TRIM50: variants seen among roughly 807,000 people sequenced by gnomAD.
TRIM50 encodes the protein tripartite motif containing 50, also known as E3 ubiquitin-protein ligase TRIM50.
TRIM50 carries 34 observed loss-of-function variants against 44.9 expected under a neutral mutation model. The ratio of observed to expected loss-of-function variants is 0.76; its 90% CI spans 0.58 to 1.01. TRIM50 has a LOEUF of 1.01. Ranked by LOEUF, TRIM50 falls within the 50% of genes least tolerant of loss-of-function variation. The pLI is 0.00. For missense variants in TRIM50, 633 were observed against 663.7 expected (o/e 0.95, Z 0.51); for synonymous variants, 307 against 291.1 (o/e 1.05, Z -0.56).
chr7:73,320,964 T>C (rs1250094697), intron 2 of TRIM50, among the ~76,000 whole-genome samples: 11 of 146,704 alleles, frequency 7.5e-5, no homozygotes, highest in Non-Finnish European at 1.6e-4. Flanking sequence ...GCAGAGGTTG[T>C]AGTGAGCCAA....
intron 6 of TRIM50, chr7:73,314,459 G>A: frequency 4.8e-6 from 2 of 415,580 alleles, no homozygotes; most frequent in Non-Finnish European, 9.4e-6. Context: ...GGCCCTGACT[G>A]AGAAGAAAGC....
chr7:73,323,912 C>T (rs1340276676), intron 2 of TRIM50, among the ~76,000 whole-genome samples: 3 of 152,084 alleles, frequency 2.0e-5, no homozygotes, highest in Non-Finnish European at 2.9e-5. Context: ...TGGTGGTGTG[C>T]ACCTGTAGCC....
chr7:73,315,123 C>T, intron 6 of TRIM50: 1 of 278,432 alleles, frequency 3.6e-6, no homozygotes, highest in Non-Finnish European at 7.1e-6. Flanking sequence ...TCCGCCATCA[C>T]TGGGGAGGCA....
At position 73,316,665 on chromosome 7, in the gene TRIM50, G is replaced by A. The variant is rs1804368061; in HGVS notation, c.774C>T (p.Pro258=). 1 of 1,614,024 alleles carries A rather than the reference G, an allele frequency of 6.2e-7. No homozygotes were observed. Among genetic ancestry groups the A allele is most frequent in the Non-Finnish European group, 8.5e-7 (1 of 1,180,050 alleles). The stretch of plus-strand genomic sequence containing the variant: ...AGATGGGGCTGAATGCGCCTTCTAA[G>A]GGCCGGGCCTGCGGCATCTCTGCTC... ...ASRAEMPQAR[P]LEGAFSPISF... The change falls in exon 6 of 7, where the codon CCC becomes CCT. Residue 258 remains proline, a synonymous_variant. Transcript: ENST00000333149.
chr7:73,314,251 G>A (rs1224411351), intron 6 of TRIM50: 5 of 318,490 alleles, frequency 1.6e-5, no homozygotes, highest in Non-Finnish European at 2.4e-5. Flanking sequence ...AGGCCAAAAC[G>A]GACCTCGCCC....
rs1234508684 is a variant in TRIM50 at position 73,318,884 on chromosome 7, G to A, written c.664C>T (p.Leu222=). Residue 222 remains leucine (L), a synonymous_variant, in exon 4 of 7, where the codon CTG becomes TTG. Transcript: ENST00000333149. Reference sequence around the variant, plus strand: ...TCCAGCACACACTCGGCTTGGGCCAGCCGCTCCCGGGTTCCCTGGGCCTGC... The same window carrying A: ...TCCAGCACACACTCGGCTTGGGCCAACCGCTCCCGGGTTCCCTGGGCCTGC... ...LEQAQGTRER[L]AQAECVLEQF... 5.0e-6 allele frequency: 8 copies of A among 1,613,884 alleles called. No individual in the cohort carries two copies. Among genetic ancestry groups the A allele is most frequent in the African/African-American group, 1.3e-5 (1 of 74,936 alleles).
Position 73,328,044 on chromosome 7 carries a change from GC to G in TRIM50, c.-164del. Reference sequence around the variant, plus strand: ...CATGACCCGCACGCTATGGTTACATGCCCCGCCTCGCGCTACCGCGCGTGCC... The same window carrying G: ...CATGACCCGCACGCTATGGTTACATGCCCGCCTCGCGCTACCGCGCGTGCC... On this transcript the variant is annotated 5_prime_UTR_variant, in exon 1 of 7. Transcript: ENST00000333149. The G allele has an allele frequency of 1.4e-6, 1 of 727,030 alleles. No homozygotes were observed. Among genetic ancestry groups the G allele is most frequent in the East Asian group, 2.7e-5 (1 of 36,602 alleles). 45.0% of individuals were successfully genotyped at this position (727,030 alleles called of 1,614,324 possible). A position where few individuals can be genotyped will look rare whatever the true frequency, so the allele number is the denominator to read the frequency against.
chr7:73,318,841 T>C lies in TRIM50; in HGVS notation c.707A>G (p.Asp236Gly), dbSNP rs377370405. Residue 236 changes from aspartate to glycine, a missense_variant, in exon 4 of 7, where the codon GAC (aspartate) becomes GGC (glycine). Transcript: ENST00000333149. ...ECVLEQFGNE[D>G]HHKFIRKFHS... ...ACTCACCCGGATGAACTTGTGGTGG[T>C]CCTCATTGCCGAACTGTTCCAGCAC... 1 of 1,613,924 alleles carries C rather than the reference T, an allele frequency of 6.2e-7. No homozygotes were observed. The highest frequency in any genetic ancestry group is 8.5e-7 in the Non-Finnish European group (1 of 1,179,862).
chr7:73,327,705 G>A (rs1554546434), intron 1 of TRIM50, among the ~76,000 whole-genome samples, 195 bp downstream of exon 1: 1 of 152,114 alleles, frequency 6.6e-6, no homozygotes, highest in Non-Finnish European at 1.5e-5. Flanking sequence ...CAGCCACTCC[G>A]AGGGCTCCTT....
intron 2 of TRIM50, among the ~76,000 whole-genome samples, chr7:73,323,051 G>A (rs1230556601): frequency 2.0e-5 from 3 of 152,156 alleles, no homozygotes; most frequent in Non-Finnish European, 2.9e-5. Context: ...TTTTCTGTTT[G>A]AAATTTGTCT....
chr7:73,318,239 C>A (rs1465337314), intron 5 of TRIM50, among the ~76,000 whole-genome samples: 8 of 152,220 alleles, frequency 5.3e-5, no homozygotes, highest in Non-Finnish European at 1.0e-4. Context: ...AGCAATCCTC[C>A]CGCCTCAGCC....
In TRIM50 at chr7:73,319,044, C is replaced by T. The variant is rs1346743470; in HGVS notation, c.504G>A (p.Ser168=). The change falls in exon 4 of 7, where the codon TCG becomes TCA. Residue 168 remains serine (S), a synonymous_variant. Transcript: ENST00000333149. ...VNNRTRIVNE[S]DVFSWVIRRE... The stretch of plus-strand genomic sequence containing the variant: ...GGCGGATCACCCAGCTGAAGACATC[C>T]GACTCATTCTGGGACAGGGAGGGCT... 1.1e-5 allele frequency: 17 copies of T among 1,613,842 alleles called. No individual in the cohort carries two copies. Among genetic ancestry groups the T allele is most frequent in the Admixed American group, 3.3e-5 (2 of 59,992 alleles).
rs563260087 is a variant in TRIM50 at position 73,324,823 on chromosome 7, G to A, written c.-18-18C>T. The A allele has an allele frequency of 6.2e-5, 100 of 1,612,140 alleles. 1 individual carries two copies. The South Asian group carries it at 9.6e-4, about 15-fold the overall frequency. On this transcript the variant is annotated intron_variant, in intron 1 of 6. Coordinates refer to ENST00000333149, the MANE Select transcript of TRIM50 (RefSeq NM_178125.3). Reference sequence around the variant, plus strand: ...TGCCCGGGCTGAAACACAGGCATCCGACCTCAGTCCTGTCCCCTCCCCTCC... The same window carrying A: ...TGCCCGGGCTGAAACACAGGCATCCAACCTCAGTCCTGTCCCCTCCCCTCC...
intron 5 of TRIM50, among the ~76,000 whole-genome samples, chr7:73,317,384 G>C (rs1294603178): frequency 2.1e-5 from 3 of 140,264 alleles, no homozygotes; most frequent in Non-Finnish European, 4.6e-5. Flanking sequence ...TTGAGATGGA[G>C]TCTTGCTCTG....
At position 73,324,682 on chromosome 7, in the gene TRIM50, A is replaced by G. The variant is rs1804580313; in HGVS notation, c.106T>C (p.Cys36Arg). Residue 36 changes from cysteine to arginine, a missense_variant, in exon 2 of 7, where the codon TGC (cysteine) becomes CGC (arginine). By Grantham distance (180) the Cys-to-Arg change is radical (BLOSUM62 -3). Coordinates refer to ENST00000333149, the MANE Select transcript of TRIM50 (RefSeq NM_178125.3). ...PLMLQCGHSYCKGCLVSLSCH... is the reference protein window; with the variant it reads ...PLMLQCGHSYRKGCLVSLSCH... ...GACAGGGAAACCAGGCAGCCCTTGC[A>G]GTAAGAGTGGCCACACTGCAGCATC... 6.2e-7 allele frequency: 1 copy of G among 1,614,112 alleles called. No homozygotes were observed. The highest frequency in any genetic ancestry group is 8.5e-7 in the Non-Finnish European group (1 of 1,180,048).
At position 73,312,871 on chromosome 7, in the gene TRIM50, C is replaced by G; in HGVS notation, c.*50G>C. The G allele has an allele frequency of 7.0e-7, 1 of 1,428,150 alleles. No homozygotes were observed. The highest frequency in any genetic ancestry group is 2.5e-4 in the Middle Eastern group (1 of 3,962). 88.5% of individuals were successfully genotyped at this position (1,428,150 alleles called of 1,614,324 possible). Reference sequence around the variant, plus strand: ...GGACCCAGCAGAAGCCCGCGAGTCCCCGGTGCCCCGCCGGGATGGGCCTGT... The same window carrying G: ...GGACCCAGCAGAAGCCCGCGAGTCCGCGGTGCCCCGCCGGGATGGGCCTGT... On this transcript the variant is annotated 3_prime_UTR_variant, in exon 7 of 7. Transcript: ENST00000333149.
In TRIM50 at chr7:73,313,420, GC is replaced by G. The variant is rs1554543560; in HGVS notation, c.964del (p.Ala322ProfsTer55). ...CTCAGGCTGGCTGGCTCGCCGCTGG[GC>G]CAGAAGCCCGCACTGCACCACCGTG... ...GNTVVQCGLL[A>X]QRRASQPERF... On this transcript the variant is annotated frameshift_variant, in exon 7 of 7. Transcript: ENST00000333149. LOFTEE classifies it high-confidence loss of function. The surrounding 1 kb of genome is among the most constrained non-coding windows in gnomAD (Gnocchi z 4.9). The G allele has an allele frequency of 1.3e-6, 2 of 1,570,096 alleles. No individual in the cohort carries two copies. The highest frequency in any genetic ancestry group is 3.7e-5 in the Admixed American group (2 of 54,442).
chr7:73,324,660 A>G lies in TRIM50; in HGVS notation c.128T>C (p.Leu43Pro). ...CAGCTCGGCATCCAGGTGGCAGGAC[A>G]GGGAAACCAGGCAGCCCTTGCAGTA... Reference protein sequence around the residue: ...HSYCKGCLVSLSCHLDAELRC... With the variant: ...HSYCKGCLVSPSCHLDAELRC... Residue 43 changes from leucine (L) to proline (P), a missense_variant, in exon 2 of 7, where the codon CTG becomes CCG. Physicochemically the swap from Leu to Pro is moderately conservative, Grantham distance 98. Coordinates refer to ENST00000333149, the MANE Select transcript of TRIM50 (RefSeq NM_178125.3). 4 of 1,614,244 alleles carry G rather than the reference A, an allele frequency of 2.5e-6. No individual in the cohort carries two copies. Among genetic ancestry groups the G allele is most frequent in the Non-Finnish European group, 3.4e-6 (4 of 1,180,040 alleles).
intron 5 of TRIM50, chr7:73,316,995 G>A (rs1804377087): frequency 7.9e-6 from 2 of 253,370 alleles, no homozygotes; most frequent in Non-Finnish European, 1.5e-5. Flanking sequence ...GGTCAGAAAT[G>A]CAGGTTCTTA....
Sources: allele counts gnomAD v4.1 joint callset (sites outside exome capture counted in the v4.1 genomes callset), GRCh38; gene constraint gnomAD v4.1.1; non-coding constraint Gnocchi (gnomAD v3.1); transcripts MANE v1.5; gene names NCBI Gene and HGNC (gene_info 2026-07-23, HGNC 2026-07-21).